RBFOX1: variants seen among roughly 807,000 people sequenced by gnomAD.
RBFOX1 encodes the protein RNA binding protein fox-1 homolog 1.
A neutral mutation model predicts 57.7 loss-of-function variants in RBFOX1; 8 were observed. The ratio of observed to expected loss-of-function variants is 0.14; its 90% CI spans 0.08 to 0.25. The LOEUF (loss-of-function observed/expected upper bound fraction) is 0.25, where lower values mean the gene tolerates loss of function less well. RBFOX1 is among the 10% of genes least tolerant of loss of function. The pLI, the probability that RBFOX1 is intolerant of heterozygous loss-of-function variation, is 1.00. For synonymous variants in RBFOX1, 326 were observed against 222.4 expected (o/e 1.47, Z -4.15); for missense variants, 611 against 548.5 (o/e 1.11, Z -1.14).
At chr16:7,064,161 CT>C (rs869135535) in intron 4 of RBFOX1, among the ~76,000 whole-genome samples, 4,928 of 96,518 alleles carry the variant, frequency 0.051, 165 homozygotes, top group African/African-American at 0.13. Context: ...GACTGGTGTT[CT>C]TTTTTTTTTT....
At chr16:5,485,101 C>A (rs2069680179) in intron 2 of RBFOX1, among the ~76,000 whole-genome samples, 1 of 151,872 alleles carries the variant, frequency 6.6e-6, no homozygotes, top group Admixed American at 6.6e-5. Context: ...AATCCCAGCA[C>A]TTTGGGAGGC....
chr16:6,154,430 G>A (rs898530489), intron 1 of RBFOX1, among the ~76,000 whole-genome samples: 2 of 152,212 alleles, frequency 1.3e-5, no homozygotes, highest in African/African-American at 2.4e-5. Flanking sequence ...TAACTATGAC[G>A]TAGGCAGGGT....
chr16:5,495,413 C>G (rs112744829), intron 2 of RBFOX1, among the ~76,000 whole-genome samples: 6 of 152,182 alleles, frequency 3.9e-5, no homozygotes, highest in African/African-American at 7.2e-5. Context: ...GTCATGGTAA[C>G]AGCAAGAGGA....
chr16:7,038,686 AGAAAGCAGAT>A (rs920516878), intron 3 of RBFOX1, among the ~76,000 whole-genome samples: 4 of 152,150 alleles, frequency 2.6e-5, no homozygotes, highest in Admixed American at 2.6e-4. Context: ...GCATTCTTGC[AGAAAGCAGAT>A]GTGGGAGGCC....
intron 4 of RBFOX1, among the ~76,000 whole-genome samples, chr16:7,412,818 G>T (rs999889190): frequency 6.6e-6 from 1 of 152,226 alleles, no homozygotes; most frequent in East Asian, 1.9e-4. Context: ...CGAGGCAGGC[G>T]GACTGCGAGG....
chr16:5,477,496 AC>A (rs2069371141), intron 2 of RBFOX1, among the ~76,000 whole-genome samples: 1 of 152,174 alleles, frequency 6.6e-6, no homozygotes, highest in African/African-American at 2.4e-5. Context: ...AATTTGGGAA[AC>A]GATCTTACTT....
chr16:7,392,625 C>G (rs968867412), intron 4 of RBFOX1, among the ~76,000 whole-genome samples: 1 of 152,184 alleles, frequency 6.6e-6, no homozygotes, highest in Non-Finnish European at 1.5e-5. Context: ...GAGCCACTTT[C>G]TCCTAATCCC....
intron 4 of RBFOX1, among the ~76,000 whole-genome samples, chr16:7,058,425 A>C (rs74008585): frequency 6.6e-6 from 1 of 152,176 alleles, no homozygotes; most frequent in Non-Finnish European, 1.5e-5. Flanking sequence ...ACTATTAAGA[A>C]TCAGGGGCCT....
At chr16:7,480,951 A>T (rs148754398) in intron 4 of RBFOX1, among the ~76,000 whole-genome samples, 1 of 152,092 alleles carries the variant, frequency 6.6e-6, no homozygotes, top group Admixed American at 6.5e-5. Context: ...GAATTACTCA[A>T]TGCTACTGTC....
At chr16:7,122,658 G>A (rs567532486) in intron 4 of RBFOX1, among the ~76,000 whole-genome samples, 1 of 152,148 alleles carries the variant, frequency 6.6e-6, no homozygotes, top group African/African-American at 2.4e-5. Context: ...AAAACATTTT[G>A]ACAGTCCGTT....
chr16:7,223,712 GAAAA>G (rs71147673), intron 4 of RBFOX1, among the ~76,000 whole-genome samples: 6 of 130,482 alleles, frequency 4.6e-5, no homozygotes, highest in South Asian at 2.4e-4. Flanking sequence ...CAGTGTTTCA[GAAAA>G]AAAAAAAAAA....
At chr16:6,222,395 A>G (rs1040263638) in intron 1 of RBFOX1, among the ~76,000 whole-genome samples, 1 of 152,060 alleles carries the variant, frequency 6.6e-6, no homozygotes, top group East Asian at 1.9e-4. Flanking sequence ...GGGTTAGACA[A>G]GAGTGATGTA....
intron 4 of RBFOX1, among the ~76,000 whole-genome samples, chr16:7,487,638 T>C (rs1295788506): frequency 6.6e-6 from 1 of 152,102 alleles, no homozygotes; most frequent in East Asian, 1.9e-4. Flanking sequence ...TTCATATACA[T>C]ATAGAAACAC....
intron 12 of RBFOX1, 148 bp downstream of exon 12, chr16:7,654,095 C>T (rs1193843376): frequency 1.3e-5 from 10 of 769,624 alleles, no homozygotes; most frequent in African/African-American, 1.8e-5. Context: ...CGCGCACCTG[C>T]AGTGGAGCAC....
intron 3 of RBFOX1, among the ~76,000 whole-genome samples, chr16:5,723,705 C>T (rs1387668105): frequency 1.3e-5 from 2 of 152,112 alleles, no homozygotes; most frequent in African/African-American, 4.8e-5. Context: ...GTGGCAGTCT[C>T]AGGCTTGGGC....
chr16:5,789,261 A>T (rs1384013308), intron 3 of RBFOX1, among the ~76,000 whole-genome samples: 4 of 152,160 alleles, frequency 2.6e-5, no homozygotes, highest in African/African-American at 9.7e-5. Flanking sequence ...ATTAATTATA[A>T]TTTCTGAAAA....
intron 1 of RBFOX1, among the ~76,000 whole-genome samples, chr16:5,343,669 A>G (rs1048202081): frequency 6.6e-6 from 1 of 152,166 alleles, no homozygotes; most frequent in Non-Finnish European, 1.5e-5. Flanking sequence ...AATCCCTCTG[A>G]TACGAATACA....
chr16:5,795,787 C>T (rs1389667465), intron 3 of RBFOX1, among the ~76,000 whole-genome samples: 1 of 152,214 alleles, frequency 6.6e-6, no homozygotes, highest in Non-Finnish European at 1.5e-5. Context: ...GATAAACAAT[C>T]CCATTCTCCC....
chr16:7,700,184 G>A (rs2080202723), intron 14 of RBFOX1, among the ~76,000 whole-genome samples: 1 of 152,064 alleles, frequency 6.6e-6, no homozygotes, highest in South Asian at 2.1e-4. Context: ...GTACCCCTGG[G>A]GCTTTACCGG....
Sources: gnomAD v4.1 joint callset for allele counts (sites outside exome capture counted in the v4.1 genomes callset) on GRCh38, gnomAD v4.1.1 for gene constraint, MANE v1.5 for transcripts, NCBI Gene and HGNC (gene_info 2026-07-23, HGNC 2026-07-21) for gene names.